ZNF28: variants seen among roughly 807,000 people sequenced by gnomAD.
The protein encoded by ZNF28 is zinc finger protein KOX24.
ZNF28 carries 5 observed loss-of-function variants against 7.2 expected under a neutral mutation model. That is an observed-to-expected ratio of 0.70 (90% CI 0.36 to 1.46). ZNF28 has a LOEUF of 1.46. ZNF28 is among the 40% of genes most tolerant of loss of function. The pLI, the probability that ZNF28 is intolerant of heterozygous loss-of-function variation, is 0.03. For synonymous variants in ZNF28, 288 were observed against 292.4 expected (o/e 0.99, Z 0.15); for missense variants, 879 against 866.6 (o/e 1.01, Z -0.18).
intron 2 of ZNF28, among the ~76,000 whole-genome samples, chr19:52,812,762 TAAAAAAAAAAA>T (rs56944474): frequency 9.3e-5 from 7 of 75,428 alleles, no homozygotes; most frequent in African/African-American, 2.1e-4. Flanking sequence ...GAATGATCAA[TAAAAAAAAAAA>T]AAAAAAAAAA....
intron 1 of ZNF28, among the ~76,000 whole-genome samples, chr19:52,820,379 A>G (rs2063180664): frequency 7.9e-6 from 1 of 127,100 alleles, no homozygotes; most frequent in South Asian, 2.8e-4. Context: ...GGCCTCCCAA[A>G]GTGCTGGGAT....
Position 52,798,791 on chromosome 19 carries a change from C to A in ZNF28, c.*897G>T. ...CTTGTAAGATCTCTCATTATGGATTCTCCAATGATTTGCAATGGTTGTAGC... is the reference window on the plus strand; with the variant it reads ...CTTGTAAGATCTCTCATTATGGATTATCCAATGATTTGCAATGGTTGTAGC... On this transcript the variant is annotated 3_prime_UTR_variant, in exon 4 of 4. Coordinates refer to ENST00000457749, the MANE Select transcript of ZNF28 (RefSeq NM_006969.5). 1.3e-6 allele frequency: 1 copy of A among 761,122 alleles called. No individual in the cohort carries two copies. The highest frequency in any genetic ancestry group is 2.2e-6 in the Non-Finnish European group (1 of 462,434). 47.1% of individuals were successfully genotyped at this position (761,122 alleles called of 1,614,324 possible). A position where few individuals can be genotyped will look rare whatever the true frequency, so the allele number is the denominator to read the frequency against.
In ZNF28 at chr19:52,801,638, G is replaced by T; in HGVS notation, c.207C>A (p.Phe69Leu). The T allele has an allele frequency of 6.2e-7, 1 of 1,613,742 alleles. No individual in the cohort carries two copies. Among genetic ancestry groups the T allele is most frequent in the Non-Finnish European group, 8.5e-7 (1 of 1,179,792 alleles). Residue 69 changes from phenylalanine to leucine, a missense_variant, in exon 4 of 4, where the codon TTC (phenylalanine) becomes TTA (leucine). By Grantham distance (22) the Phe-to-Leu change is conservative. This residue lies in a region of ZNF28 where 864 missense variants were observed against 830.2 expected (regional missense o/e 1.04). Coordinates refer to ENST00000457749, the MANE Select transcript of ZNF28 (RefSeq NM_006969.5). ...FSTGQGNTEAFHTGTLQRQAS... is the reference protein window; with the variant it reads ...FSTGQGNTEALHTGTLQRQAS... ...CTTGTCTTTGCAATGTCCCTGTGTG[G>T]AACGCTTCTGTATTGCCTTGCCCTG...
intron 1 of ZNF28, among the ~76,000 whole-genome samples, chr19:52,818,708 A>G (rs558661328): frequency 7.0e-4 from 59 of 84,418 alleles, no homozygotes; most frequent in African/African-American, 2.2e-3. Context: ...CTCAAAAATA[A>G]AAAAATACAA....
intron 2 of ZNF28, among the ~76,000 whole-genome samples, chr19:52,812,749 C>A (rs1185384154): frequency 1.0e-3 from 101 of 100,664 alleles, no homozygotes; most frequent in African/African-American, 4.3e-3. Flanking sequence ...GAGAAACACC[C>A]AAGAATGATC....
chr19:52,810,834 A>G (rs2063014633), intron 2 of ZNF28: 1 of 248,476 alleles, frequency 4.0e-6, no homozygotes, highest in Non-Finnish European at 7.5e-6. Context: ...ATTTTTAAAA[A>G]AAGAGTCCCT....
chr19:52,804,377 G>T (rs931785228), intron 3 of ZNF28, among the ~76,000 whole-genome samples: 1 of 152,084 alleles, frequency 6.6e-6, no homozygotes, highest in Non-Finnish European at 1.5e-5. Context: ...TACCTCAAGT[G>T]ATTCTCCCTC....
chr19:52,803,348 G>A (rs1236459169), intron 3 of ZNF28, among the ~76,000 whole-genome samples: 1 of 152,100 alleles, frequency 6.6e-6, no homozygotes, highest in African/African-American at 2.4e-5. Flanking sequence ...CCCAAGACCT[G>A]GGATTACAGG....
chr19:52,821,156 C>A (rs2063192592), intron 1 of ZNF28, among the ~76,000 whole-genome samples: 1 of 151,498 alleles, frequency 6.6e-6, no homozygotes, highest in African/African-American at 2.4e-5. Context: ...CGCCTTCGGA[C>A]AAGGGTGGGA....
At chr19:52,803,378 T>C (rs1349055795) in intron 3 of ZNF28, among the ~76,000 whole-genome samples, 5 of 152,148 alleles carry the variant, frequency 3.3e-5, no homozygotes, top group African/African-American at 1.2e-4. Context: ...CTGCACCCTG[T>C]GGCACTTTGT....
intron 2 of ZNF28, 148 bp downstream of exon 2, chr19:52,817,796 G>A (rs185476552): frequency 1.7e-5 from 26 of 1,530,336 alleles, no homozygotes; most frequent in African/African-American, 1.5e-4. Context: ...GAATCTAAGC[G>A]AGATGAGATG....
intron 2 of ZNF28, among the ~76,000 whole-genome samples, chr19:52,810,880 C>G (rs531628905): frequency 5.7e-5 from 1 of 17,588 alleles, no homozygotes; most frequent in African/African-American, 3.0e-4. Flanking sequence ...TCCCCCTCCC[C>G]CTCCCCCTCC....
chr19:52,809,909 G>C, intron 2 of ZNF28: 1 of 833,250 alleles, frequency 1.2e-6, no homozygotes, highest in Non-Finnish European at 2.0e-6. Flanking sequence ...GCCATCTTGT[G>C]CCCGGGGCCG....
rs1322177726 is a variant in ZNF28, at chr19:52,807,264, C to T, written c.142+743G>A. On this transcript the variant is annotated intron_variant, in intron 3 of 3. Transcript: ENST00000457749. ...TGCTGGAGCTTTTCTAGAGTCCCAG[C>T]CCTATGTTTCTGTAGGAAAGAAGAC... Among the ~76,000 whole-genome samples the T allele has an allele frequency of 2.0e-5, 3 of 152,268 alleles. No homozygotes were observed. The South Asian group carries it at 6.2e-4, about 32-fold the overall frequency.
At chr19:52,809,257 G>A (rs1194437734) in intron 2 of ZNF28, among the ~76,000 whole-genome samples, 1 of 152,080 alleles carries the variant, frequency 6.6e-6, no homozygotes, top group Admixed American at 6.6e-5. Flanking sequence ...TAGTAATGCG[G>A]ACGTGCACAG....
Position 52,801,722 on chromosome 19 carries a change from A to G in ZNF28, c.143-20T>C, listed in dbSNP as rs767796933. The G allele has an allele frequency of 1.9e-6, 3 of 1,598,312 alleles. No individual in the cohort carries two copies. Among genetic ancestry groups the G allele is most frequent in the Non-Finnish European group, 2.6e-6 (3 of 1,171,100 alleles). ...AGATATCTACAAAATATAAACACCA[A>G]TAGGTTTCCAATGAAGTACAGATGG... On this transcript the variant is annotated intron_variant, in intron 3 of 3. Coordinates refer to ENST00000457749, the MANE Select transcript of ZNF28 (RefSeq NM_006969.5).
intron 3 of ZNF28, among the ~76,000 whole-genome samples, chr19:52,806,680 T>A (rs1449903694): frequency 1.3e-5 from 2 of 151,658 alleles, no homozygotes; most frequent in Non-Finnish European, 2.9e-5. Flanking sequence ...GGCAAGTGGG[T>A]CACTTGAGAT....
intron 1 of ZNF28, among the ~76,000 whole-genome samples, chr19:52,820,594 C>G (rs1480352239): frequency 6.6e-6 from 1 of 151,972 alleles, no homozygotes; most frequent in Non-Finnish European, 1.5e-5. Flanking sequence ...TGTGCTTCTC[C>G]CTCTGTTCTC....
At position 52,798,887 on chromosome 19, in the gene ZNF28, A is replaced by T; in HGVS notation, c.*801T>A. 2 of 1,422,004 alleles carry T rather than the reference A, an allele frequency of 1.4e-6. No individual in the cohort carries two copies. Among genetic ancestry groups the T allele is most frequent in the South Asian group, 1.2e-5 (1 of 82,448 alleles). 88.1% of individuals were successfully genotyped at this position (1,422,004 alleles called of 1,614,324 possible). A position where few individuals can be genotyped will look rare whatever the true frequency, so the allele number is the denominator to read the frequency against. On this transcript the variant is annotated 3_prime_UTR_variant, in exon 4 of 4. Transcript: ENST00000457749. ...TATACTATGGATTGCTTGATGGTGAATAAGTGGTGACTGCCCACTAAAGGC... is the reference window on the plus strand; with the variant it reads ...TATACTATGGATTGCTTGATGGTGATTAAGTGGTGACTGCCCACTAAAGGC...
Sources: allele counts gnomAD v4.1 joint callset (sites outside exome capture counted in the v4.1 genomes callset), GRCh38; gene constraint gnomAD v4.1.1; regional missense constraint gnomAD v4.1.1; transcripts MANE v1.5; gene names NCBI Gene and HGNC (gene_info 2026-07-23, HGNC 2026-07-21).